Variants in MEGF11 observed in about 807,000 individuals in gnomAD.
MEGF11 encodes multiple epidermal growth factor-like domains protein 11.
Under a neutral mutation model 146.6 loss-of-function variants are expected in MEGF11, and 126 were observed. The ratio of observed to expected loss-of-function variants is 0.86; its 90% CI spans 0.74 to 1.00. The LOEUF (loss-of-function observed/expected upper bound fraction) is 1.00. MEGF11 is among the 50% of genes least tolerant of loss of function. The pLI is 0.00. For missense variants in MEGF11, 1,509 were observed against 1,521.2 expected (o/e 0.99, Z 0.13); for synonymous variants, 532 against 583.4 (o/e 0.91, Z 1.27).
intron 1 of MEGF11, among the ~76,000 whole-genome samples, chr15:66,198,490 TGTTTTTC>T (rs1359621903): frequency 1.1e-4 from 16 of 152,332 alleles, no homozygotes; most frequent in East Asian, 1.9e-4. Flanking sequence ...TTTTGTTTTT[TGTTTTTC>T]GTTTTTGAGA....
At chr15:66,164,408 T>C (rs577085187) in intron 1 of MEGF11, among the ~76,000 whole-genome samples, 2 of 152,128 alleles carry the variant, frequency 1.3e-5, no homozygotes, top group African/African-American at 4.8e-5. Context: ...TTCTTGAGAA[T>C]AGGGTAGTGG....
At position 65,922,368 on chromosome 15, in the gene MEGF11, G is replaced by A. The variant is rs775958380; in HGVS notation, c.1927C>T (p.Pro643Ser). Residue 643 changes from proline to serine, a missense_variant, in exon 15 of 26, where the codon CCA (proline) becomes TCA (serine). Pro to Ser is a moderately conservative substitution (Grantham distance 74, BLOSUM62 -1). Transcript: ENST00000395614. Reference sequence around the variant, plus strand: ...TTGCAGAGAGCTCCAGAGAATCCTGGGAGGCACTCACAGATGCCGCTGATG... The same window carrying A: ...TTGCAGAGAGCTCCAGAGAATCCTGAGAGGCACTCACAGATGCCGCTGATG... ...HHISGICECL[P>S]GFSGALCNQV... 9 of 1,605,380 alleles carry A rather than the reference G, an allele frequency of 5.6e-6. No individual in the cohort carries two copies. The highest frequency in any genetic ancestry group is 5.1e-5 in the Admixed American group (3 of 59,004).
At position 65,916,199 on chromosome 15, in the gene MEGF11, T is replaced by C; in HGVS notation, c.2293A>G (p.Ser765Gly). 1 of 1,581,240 alleles carries C rather than the reference T, an allele frequency of 6.3e-7. No individual in the cohort carries two copies. Among genetic ancestry groups the C allele is most frequent in the South Asian group, 1.2e-5 (1 of 86,014 alleles). The change falls in exon 18 of 26, where the codon AGT becomes GGT. Residue 765 changes from serine (S) to glycine (G), a missense_variant. Transcript: ENST00000395614. ...CQNGASCDHI[S>G]GKCTCRTGFT... ...CCTGTGCGGCAGGTGCACTTGCCAC[T>C]GATGTGGTCACAGCTGGCGCCATTC...
chr15:65,904,468 C>G (rs2078570886), intron 24 of MEGF11, among the ~76,000 whole-genome samples: 1 of 152,148 alleles, frequency 6.6e-6, no homozygotes, highest in Admixed American at 6.5e-5. Flanking sequence ...CTGTGTATAT[C>G]CTAACAAAGG....
intron 1 of MEGF11, among the ~76,000 whole-genome samples, chr15:66,135,365 C>G (rs1019680482): frequency 6.6e-6 from 1 of 152,240 alleles, no homozygotes; most frequent in Non-Finnish European, 1.5e-5. Context: ...TCTCATCTTT[C>G]ATCCATCCCC....
At chr15:66,022,587 T>A (rs1227359405) in intron 5 of MEGF11, among the ~76,000 whole-genome samples, 1 of 152,214 alleles carries the variant, frequency 6.6e-6, no homozygotes. Flanking sequence ...TAGTTTGGGA[T>A]GCTGAGGCAG....
intron 23 of MEGF11, 97 bp from the exon 24 acceptor site, chr15:65,906,238 C>A: frequency 2.5e-6 from 2 of 812,156 alleles, no homozygotes; most frequent in Non-Finnish European, 4.0e-6. Context: ...CCCCCCCCTT[C>A]TCCCCTACCC....
intron 1 of MEGF11, among the ~76,000 whole-genome samples, chr15:66,211,290 A>G (rs112462909): frequency 0.054 from 8,298 of 152,268 alleles, 314 homozygotes; most frequent in Middle Eastern, 0.12. Context: ...TTGGGAGGCC[A>G]AGGTGGGCGG....
chr15:66,197,473 A>C (rs1326214308), intron 1 of MEGF11, among the ~76,000 whole-genome samples: 1 of 152,034 alleles, frequency 6.6e-6, no homozygotes, highest in African/African-American at 2.4e-5. Context: ...CCCAGGCTGG[A>C]GTGCAGTGGT....
At chr15:65,898,433 T>C (rs1178814390) in intron 25 of MEGF11, 1 of 985,294 alleles carries the variant, frequency 1.0e-6, no homozygotes, top group Non-Finnish European at 1.2e-6. Context: ...GAGATTTGTA[T>C]CAACAATCTG....
chr15:66,183,038 A>C (rs1344840648), intron 1 of MEGF11, among the ~76,000 whole-genome samples: 3 of 152,276 alleles, frequency 2.0e-5, no homozygotes, highest in Non-Finnish European at 4.4e-5. Context: ...GTTGAGTGAG[A>C]AAAGCTGAAA....
chr15:66,245,815 C>T (rs185524713), intron 1 of MEGF11, among the ~76,000 whole-genome samples: 157 of 152,282 alleles, frequency 1.0e-3, no homozygotes, highest in Non-Finnish European at 1.7e-3. Context: ...AGACTACTCC[C>T]AAAGACACAT....
chr15:66,214,199 C>A (rs1489616508), intron 1 of MEGF11, among the ~76,000 whole-genome samples: 1 of 152,046 alleles, frequency 6.6e-6, no homozygotes, highest in African/African-American at 2.4e-5. Context: ...CCACACCCGG[C>A]TAATTTTGTG....
intron 5 of MEGF11, among the ~76,000 whole-genome samples, chr15:66,094,078 C>G (rs2140674766): frequency 6.6e-6 from 1 of 152,256 alleles, no homozygotes; most frequent in East Asian, 1.9e-4. Context: ...AGTGTGTACT[C>G]CTGGGCACTG....
chr15:66,169,289 C>T (rs2090181376), intron 1 of MEGF11, among the ~76,000 whole-genome samples: 1 of 152,206 alleles, frequency 6.6e-6, no homozygotes, highest in Non-Finnish European at 1.5e-5. Context: ...GCAATTGAGC[C>T]ACCTGATCTC....
chr15:66,103,358 G>T lies in MEGF11; in HGVS notation c.302-8864C>A, dbSNP rs76038277. Among the ~76,000 whole-genome samples the T allele has an allele frequency of 6.6e-3, 1,000 of 152,310 alleles. 11 individuals carry two copies. Among genetic ancestry groups the T allele is most frequent in the African/African-American group, 0.023 (964 of 41,566 alleles). On this transcript the variant is annotated intron_variant, in intron 4 of 25. Coordinates refer to ENST00000395614, the MANE Select transcript of MEGF11 (RefSeq NM_001385028.1). ...CTGGGTTTGACTCCCCAGTTCTAGTGCTTCATTCCTGTGTGACCTTGGGCA... is the reference window on the plus strand; with the variant it reads ...CTGGGTTTGACTCCCCAGTTCTAGTTCTTCATTCCTGTGTGACCTTGGGCA...
At chr15:66,002,281 C>A (rs894764113) in intron 5 of MEGF11, among the ~76,000 whole-genome samples, 1 of 152,084 alleles carries the variant, frequency 6.6e-6, no homozygotes, top group East Asian at 1.9e-4. Flanking sequence ...CACTCAGGCT[C>A]GAGAGAGAGA....
At chr15:66,208,565 A>G (rs1053737200) in intron 1 of MEGF11, among the ~76,000 whole-genome samples, 2 of 152,222 alleles carry the variant, frequency 1.3e-5, no homozygotes, top group African/African-American at 4.8e-5. Flanking sequence ...ACAGGAGAGG[A>G]TGAGATTGGC....
At chr15:66,021,834 C>T (rs1396071741) in intron 5 of MEGF11, among the ~76,000 whole-genome samples, 3 of 152,222 alleles carry the variant, frequency 2.0e-5, no homozygotes, top group Non-Finnish European at 2.9e-5. Context: ...CTCCTGCTCT[C>T]TGTTCACTAT....
Sources: allele counts gnomAD v4.1 joint callset (sites outside exome capture counted in the v4.1 genomes callset), GRCh38; gene constraint gnomAD v4.1.1; transcripts MANE v1.5; gene names NCBI Gene and HGNC (gene_info 2026-07-23, HGNC 2026-07-21).